ATP11A: variants seen among roughly 807,000 people sequenced by gnomAD.
The protein encoded by ATP11A is phospholipid-transporting ATPase IH.
Under a neutral mutation model 154.4 loss-of-function variants are expected in ATP11A, and 81 were observed. The ratio of observed to expected loss-of-function variants is 0.52; its 90% CI spans 0.44 to 0.63. The LOEUF (loss-of-function observed/expected upper bound fraction) is 0.63, where lower values mean the gene tolerates loss of function less well. ATP11A is among the 30% of genes least tolerant of loss of function. The pLI is 0.00. For missense variants in ATP11A, 1,316 were observed against 1,474.3 expected (o/e 0.89, Z 1.76); for synonymous variants, 623 against 585.9 (o/e 1.06, Z -0.91).
intron 8 of ATP11A, among the ~76,000 whole-genome samples, chr13:112,822,017 C>T (rs1050054048): frequency 6.6e-6 from 1 of 152,176 alleles, no homozygotes; most frequent in Non-Finnish European, 1.5e-5. Flanking sequence ...TGCCTGTCTT[C>T]AGCCGGATGC....
chr13:112,796,733 A>G (rs1358179329), intron 2 of ATP11A, among the ~76,000 whole-genome samples: 1 of 152,220 alleles, frequency 6.6e-6, no homozygotes, highest in African/African-American at 2.4e-5. Context: ...GGGGATTTAT[A>G]ATACAGACTG....
chr13:112,817,902 G>A lies in ATP11A; in HGVS notation c.571-1402G>A, dbSNP rs115569634. Among the ~76,000 whole-genome samples, 1,244 of 152,292 alleles carry A rather than the reference G, an allele frequency of 8.2e-3. 23 individuals are homozygous for A. The highest frequency in any genetic ancestry group is 0.027 in the African/African-American group (1,132 of 41,548). ...GTAGGGGCGTGGGAAGGGTCCACCCGACCTCTGTTTGGATCCCGTGGGGCT... is the reference window on the plus strand; with the variant it reads ...GTAGGGGCGTGGGAAGGGTCCACCCAACCTCTGTTTGGATCCCGTGGGGCT... On this transcript the variant is annotated intron_variant, in intron 6 of 29. Transcript: ENST00000375645.
intron 1 of ATP11A, among the ~76,000 whole-genome samples, chr13:112,691,379 G>A: frequency 6.6e-6 from 1 of 150,880 alleles, no homozygotes; most frequent in East Asian, 2.0e-4. Context: ...CAGGAGAATC[G>A]CTTGAACCCG....
At chr13:112,736,899 G>T (rs1230241848) in intron 1 of ATP11A, among the ~76,000 whole-genome samples, 2 of 152,192 alleles carry the variant, frequency 1.3e-5, no homozygotes, top group Non-Finnish European at 2.9e-5. Flanking sequence ...TCTGGTCAGG[G>T]ATTTGTATCC....
chr13:112,691,793 C>T (rs423117), intron 1 of ATP11A, among the ~76,000 whole-genome samples: 34,837 of 151,850 alleles, frequency 0.23, 6,210 homozygotes, highest in African/African-American at 0.51. Flanking sequence ...TCAATGCTTT[C>T]CCCCGGATTT....
At position 112,758,180 on chromosome 13, in the gene ATP11A, A is replaced by G. The variant is rs78878367; in HGVS notation, c.40-26955A>G. On this transcript the variant is annotated intron_variant, in intron 1 of 29. Coordinates refer to ENST00000375645, the MANE Select transcript of ATP11A (RefSeq NM_015205.3). ...AGGTTCAAGCAATTCTCCTGCCTCA[A>G]CCTCCCAACTAGCTGGGATTACAGG... is the stretch of plus-strand genomic sequence containing the variant. Among the ~76,000 whole-genome samples, 40 of 151,438 alleles carry G rather than the reference A, an allele frequency of 2.6e-4. 1 individual carries two copies. The highest frequency in any genetic ancestry group is 1.5e-3 in the Admixed American group (23 of 15,272).
chr13:112,839,825 C>T (rs1029856387), intron 16 of ATP11A, among the ~76,000 whole-genome samples: 1 of 152,102 alleles, frequency 6.6e-6, no homozygotes, highest in African/African-American at 2.4e-5. Flanking sequence ...GAGTTGTGAG[C>T]CATGAAACAT....
intron 29 of ATP11A, among the ~76,000 whole-genome samples, chr13:112,879,747 G>A (rs2080830278): frequency 6.6e-6 from 1 of 152,262 alleles, no homozygotes; most frequent in African/African-American, 2.4e-5. Context: ...CCTGCGTTCT[G>A]CAAAACTTTG....
intron 1 of ATP11A, among the ~76,000 whole-genome samples, chr13:112,767,613 G>T (rs1432610279): frequency 6.6e-6 from 1 of 151,900 alleles, no homozygotes; most frequent in Non-Finnish European, 1.5e-5. Context: ...CTGATCATCT[G>T]CACATAATTG....
At chr13:112,866,664 C>A (rs535042740) in intron 25 of ATP11A, among the ~76,000 whole-genome samples, 1 of 36,554 alleles carries the variant, frequency 2.7e-5, no homozygotes, top group East Asian at 9.2e-4. Flanking sequence ...AAACAGAAAT[C>A]GGCTTCGTTC....
rs1035707108 is a variant in ATP11A at position 112,815,064 on chromosome 13, C to T, written c.442-1019C>T. Among the ~76,000 whole-genome samples the T allele has an allele frequency of 2.6e-5, 4 of 152,218 alleles. No homozygotes were observed. The South Asian group carries it at 8.3e-4, about 32-fold the overall frequency. ...CAGGTGACGCCCTGATCCTGGCATG[C>T]CTCCCGAGTGGCAGTGAGACTGGCT... On this transcript the variant is annotated intron_variant, in intron 5 of 29. Transcript: ENST00000375645.
intron 1 of ATP11A, among the ~76,000 whole-genome samples, chr13:112,733,046 TG>T (rs1890652356): frequency 6.6e-6 from 1 of 152,252 alleles, no homozygotes; most frequent in Non-Finnish European, 1.5e-5. Context: ...TAAAGATTTC[TG>T]TACATGTTTT....
chr13:112,862,306 C>A, intron 24 of ATP11A, 134 bp from the exon 25 acceptor site: 1 of 1,096,158 alleles, frequency 9.1e-7, no homozygotes, highest in Non-Finnish European at 1.3e-6. Context: ...GGCCAGAGCA[C>A]AAACTTGATG....
intron 1 of ATP11A, among the ~76,000 whole-genome samples, chr13:112,708,341 T>C (rs1223194167): frequency 6.6e-6 from 1 of 152,236 alleles, no homozygotes. Context: ...CTAGTTATAA[T>C]GATTTAAAAT....
chr13:112,792,885 A>G (rs142929369), intron 2 of ATP11A, among the ~76,000 whole-genome samples: 63 of 152,316 alleles, frequency 4.1e-4, no homozygotes, highest in African/African-American at 1.5e-3. Context: ...ACAGAATTAA[A>G]TGTTGGCTTA....
chr13:112,806,833 A>C (rs978904170), intron 4 of ATP11A, among the ~76,000 whole-genome samples: 1 of 152,008 alleles, frequency 6.6e-6, no homozygotes, highest in Non-Finnish European at 1.5e-5. Flanking sequence ...GCAAAGACTC[A>C]TGTTTCTGTC....
At chr13:112,815,798 C>A (rs1046682225) in intron 5 of ATP11A, among the ~76,000 whole-genome samples, 1 of 152,164 alleles carries the variant, frequency 6.6e-6, no homozygotes, top group African/African-American at 2.4e-5. Flanking sequence ...CCCACTTGGC[C>A]ACGCTCACAG....
rs2080533441 is a variant in ATP11A at position 112,871,869 on chromosome 13, T to C, written c.3057+69T>C. On this transcript the variant is annotated intron_variant, in intron 26 of 29. Coordinates refer to ENST00000375645, the MANE Select transcript of ATP11A (RefSeq NM_015205.3). ...CCCCTGCAGTGTAGGCCTCACGCGC[T>C]CTGAGCTCTCTGAATTATAACTCTG... is the stretch of plus-strand genomic sequence containing the variant. 2.1e-6 allele frequency: 3 copies of C among 1,447,342 alleles called. No homozygotes were observed. The African/African-American group carries it at 4.2e-5, about 20-fold the overall frequency. The allele number at this position is 1,447,342 out of a possible 1,614,324, so 89.7% of individuals were successfully genotyped here. A position where few individuals can be genotyped will look rare whatever the true frequency, so the allele number is the denominator to read the frequency against.
chr13:112,802,381 A>T (rs1256980473), intron 2 of ATP11A, among the ~76,000 whole-genome samples: 3 of 152,094 alleles, frequency 2.0e-5, no homozygotes, highest in African/African-American at 7.2e-5. Context: ...AAATAGATCA[A>T]TGAAACATCA....
Sources: allele counts gnomAD v4.1 joint callset (sites outside exome capture counted in the v4.1 genomes callset), GRCh38; gene constraint gnomAD v4.1.1; transcripts MANE v1.5; gene names NCBI Gene and HGNC (gene_info 2026-07-23, HGNC 2026-07-21).